The following COLEC10 variants were observed in gnomAD, a reference collection of about 807,000 sequenced individuals.
COLEC10 encodes the protein collectin-10.
In COLEC10, 22 loss-of-function variants were observed where a neutral mutation model predicts 28.4. That is an observed-to-expected ratio of 0.78 (90% confidence interval 0.55 to 1.11). The LOEUF (loss-of-function observed/expected upper bound fraction) is 1.11. COLEC10 is among the 50% of genes least tolerant of loss of function. COLEC10 has a pLI of 0.00. For synonymous variants in COLEC10, 125 were observed against 116.1 expected (o/e 1.08, Z -0.49); for missense variants, 361 against 344.1 (o/e 1.05, Z -0.39).
intron 2 of COLEC10, among the ~76,000 whole-genome samples, chr8:119,090,340 C>T (rs1815564519): frequency 6.6e-6 from 1 of 152,094 alleles, no homozygotes; most frequent in Non-Finnish European, 1.5e-5. Flanking sequence ...GTTGGCCTCA[C>T]CAAAATATAA....
intron 2 of COLEC10, among the ~76,000 whole-genome samples, chr8:119,040,001 G>A (rs1814464404): frequency 2.0e-5 from 3 of 152,040 alleles, no homozygotes; most frequent in African/African-American, 7.2e-5. Context: ...TTAGGGCATG[G>A]GCATCTTTGG....
At chr8:119,036,961 C>A (rs1011050815) in intron 2 of COLEC10, among the ~76,000 whole-genome samples, 1 of 152,142 alleles carries the variant, frequency 6.6e-6, no homozygotes, top group Admixed American at 6.5e-5. Flanking sequence ...GTTGTTGGGG[C>A]TTCCCGTTGG....
intron 1 of COLEC10, among the ~76,000 whole-genome samples, chr8:119,070,939 C>A (rs2130232336): frequency 6.6e-6 from 1 of 152,246 alleles, no homozygotes; most frequent in Non-Finnish European, 1.5e-5. Context: ...GGAAACAATT[C>A]CAGCGGGGCC....
the COLEC10 span, among the ~76,000 whole-genome samples, chr8:118,967,663 AG>A: frequency 3.9e-5 from 6 of 152,148 alleles, no homozygotes; most frequent in Non-Finnish European, 7.4e-5. Flanking sequence ...TCAGATTGGA[AG>A]TTAAATAATA....
intron 2 of COLEC10, among the ~76,000 whole-genome samples, chr8:119,039,906 G>A (rs1181252268): frequency 2.0e-5 from 3 of 152,142 alleles, no homozygotes; most frequent in Non-Finnish European, 4.4e-5. Flanking sequence ...TTTAAGGGAA[G>A]TAGATTCAAG....
chr8:118,974,640 C>A, the COLEC10 span, among the ~76,000 whole-genome samples: 1 of 151,912 alleles, frequency 6.6e-6, no homozygotes, highest in African/African-American at 2.4e-5. Flanking sequence ...CAATATCTCC[C>A]ATGGTAATTA....
chr8:119,061,056 A>AG (rs1814847064), intron 2 of COLEC10, among the ~76,000 whole-genome samples: 1 of 151,938 alleles, frequency 6.6e-6, no homozygotes, highest in Non-Finnish European at 1.5e-5. Context: ...AGAAAGACTG[A>AG]GATATAATAG....
At chr8:119,013,044 A>C (rs888400052) in intron 2 of COLEC10, among the ~76,000 whole-genome samples, 5 of 149,918 alleles carry the variant, frequency 3.3e-5, no homozygotes, top group Non-Finnish European at 1.5e-5. Context: ...CTAAGGTGGA[A>C]GCTTAGATGA....
At chr8:118,993,723 T>C (rs1284514100), upstream of COLEC10, among the ~76,000 whole-genome samples, 1 of 152,178 alleles carries the variant, frequency 6.6e-6, no homozygotes. Context: ...TCATATTAAA[T>C]GAGGGCGCAT....
At position 119,105,972 on chromosome 8, in the gene COLEC10, T is replaced by C; in HGVS notation, c.615T>C (p.Phe205=). The change falls in exon 6 of 6, where the codon TTT becomes TTC. Residue 205 remains phenylalanine (F), a synonymous_variant. Transcript: ENST00000332843. The part of the protein sequence containing the change: ...IADYVAKSGF[F]RVFIGVNDLE... ...ACTATGTTGCCAAGAGTGGCTTCTT[T>C]CGGGTGTTCATTGGCGTGAATGACC... is the stretch of plus-strand genomic sequence containing the variant. The C allele has an allele frequency of 1.2e-6, 2 of 1,613,856 alleles. No individual in the cohort carries two copies. The highest frequency in any genetic ancestry group is 1.3e-5 in the African/African-American group (1 of 75,022).
intron 1 of COLEC10, among the ~76,000 whole-genome samples, chr8:119,007,726 T>C (rs533589209): frequency 1.6e-4 from 24 of 151,148 alleles, no homozygotes; most frequent in South Asian, 2.1e-4. Flanking sequence ...CCCATACCAG[T>C]AGTTTATTAC....
In COLEC10 at chr8:119,067,298, C is replaced by A. The variant is rs757060971; in HGVS notation, c.17C>A (p.Ser6Tyr). The change falls in exon 1 of 6, where the codon TCC (serine) becomes TAC (tyrosine). Residue 6 changes from serine to tyrosine, a missense_variant. Around this residue, in one of 3 missense-constraint regions of COLEC10, gnomAD observed 335 missense variants for 308.5 expected, o/e 1.09. Transcript: ENST00000332843. Reference protein sequence around the residue: MNGFASLLRRNQFILL... With the variant: MNGFAYLLRRNQFILL... ...ACCACAGCAATGAATGGCTTTGCAT[C>A]CTTGCTTCGAAGAAACCAATTTATC... 7.4e-6 allele frequency: 12 copies of A among 1,613,778 alleles called. No individual in the cohort carries two copies. The African/African-American group carries it at 1.6e-4, about 22-fold the overall frequency.
intron 1 of COLEC10, among the ~76,000 whole-genome samples, chr8:119,080,304 G>T (rs1295315635): frequency 6.6e-6 from 1 of 152,112 alleles, no homozygotes; most frequent in African/African-American, 2.4e-5. Flanking sequence ...AGTAAAAATT[G>T]GCCAACGAAC....
At chr8:119,077,888 G>T (rs1390428926) in intron 1 of COLEC10, among the ~76,000 whole-genome samples, 2 of 152,128 alleles carry the variant, frequency 1.3e-5, no homozygotes, top group Non-Finnish European at 2.9e-5. Flanking sequence ...AGTTTATAAA[G>T]AAGAGGTTTA....
In COLEC10 at chr8:119,106,465, A is replaced by G. The variant is rs1208158625; in HGVS notation, c.*274A>G. On this transcript the variant is annotated 3_prime_UTR_variant, in exon 6 of 6. Coordinates refer to ENST00000332843, the MANE Select transcript of COLEC10 (RefSeq NM_006438.5). Reference sequence around the variant, plus strand: ...GTGCACGAGATAGTTGGTTGTCTATATGTCAAATGAGTTGTTCTCTTGGTA... The same window carrying G: ...GTGCACGAGATAGTTGGTTGTCTATGTGTCAAATGAGTTGTTCTCTTGGTA... 1.3e-4 allele frequency: 43 copies of G among 325,284 alleles called. 1 individual carries two copies. In the South Asian group the frequency reaches 1.9e-3, roughly 14 times the overall value. The allele number at this position is 325,284 out of a possible 1,614,324, so 20.1% of individuals were successfully genotyped here.
chr8:119,089,654 C>CTCTA, intron 1 of COLEC10, 26 bp from the exon 2 acceptor site: 1 of 1,573,378 alleles, frequency 6.4e-7, no homozygotes, highest in Non-Finnish European at 8.7e-7. Flanking sequence ...AGATGCTTCA[C>CTCTA]TCTATCTCAT....
chr8:119,102,170 C>A (rs1815842252), intron 3 of COLEC10, among the ~76,000 whole-genome samples, 178 bp from the exon 4 acceptor site: 1 of 151,992 alleles, frequency 6.6e-6, no homozygotes, highest in African/African-American at 2.4e-5. Context: ...ATTGCAAATA[C>A]AATTTAAACT....
In COLEC10 at chr8:119,108,116, T is replaced by C. The variant is rs543498239; in HGVS notation, c.*1925T>C. 1.6e-4 allele frequency among the ~76,000 whole-genome samples: 24 copies of C among 152,248 alleles called. No individual in the cohort carries two copies. Among genetic ancestry groups the C allele is most frequent in the Non-Finnish European group, 3.2e-4 (22 of 68,012 alleles). ...TGTTATATGTTTGACATTTATCAGGTTACTAGTTAAACTCTTTTGAGATGA... is the reference window on the plus strand; with the variant it reads ...TGTTATATGTTTGACATTTATCAGGCTACTAGTTAAACTCTTTTGAGATGA... On this transcript the variant is annotated 3_prime_UTR_variant, in exon 6 of 6. Transcript: ENST00000332843.
At chr8:119,054,389 A>T (rs1554626029) in intron 2 of COLEC10, among the ~76,000 whole-genome samples, 10 of 152,106 alleles carry the variant, frequency 6.6e-5, no homozygotes. Context: ...AATTCTTCAG[A>T]TTGCAATAAT....
Sources: gnomAD v4.1 joint callset for allele counts (sites outside exome capture counted in the v4.1 genomes callset) on GRCh38, gnomAD v4.1.1 for gene constraint, gnomAD v4.1.1 regional missense constraint, MANE v1.5 for transcripts, NCBI Gene and HGNC (gene_info 2026-07-23, HGNC 2026-07-21) for gene names.